Variants in SFXN5 observed in about 807,000 individuals in gnomAD.
The protein encoded by SFXN5 is sideroflexin-5.
SFXN5 carries 43 observed loss-of-function variants against 50.2 expected under a neutral mutation model. That is an observed-to-expected ratio of 0.86 (90% CI 0.67 to 1.11). SFXN5 has a LOEUF of 1.11. SFXN5 is among the 50% of genes least tolerant of loss of function. SFXN5 has a pLI of 0.00. For synonymous variants in SFXN5, 203 were observed against 185.8 expected, an observed-to-expected ratio of 1.09 and a Z score of -0.75; for missense variants, 463 against 454.1, an observed-to-expected ratio of 1.02 and a Z score of -0.18.
At chr2:73,039,079 C>T (rs1350050028) in intron 3 of SFXN5, among the ~76,000 whole-genome samples, 1 of 152,166 alleles carries the variant, frequency 6.6e-6, no homozygotes, top group Non-Finnish European at 1.5e-5. Flanking sequence ...AAACATGTAC[C>T]ACTATGCCCG....
intron 10 of SFXN5, among the ~76,000 whole-genome samples, chr2:72,971,977 G>A (rs568808689): frequency 2.0e-5 from 3 of 152,370 alleles, no homozygotes; most frequent in African/African-American, 7.2e-5. Context: ...CTCTCCTCCA[G>A]GGCAAGCCCA....
At position 72,944,715 on chromosome 2, in the gene SFXN5, AC is replaced by A; in HGVS notation, c.*306del. The stretch of plus-strand genomic sequence containing the variant: ...CAAAGTATAAAAGGATTCTACTTCT[AC>A]CCCATGGGCACTCTACAATTTTTCA... On this transcript the variant is annotated 3_prime_UTR_variant, in exon 14 of 14. Coordinates refer to ENST00000272433, the MANE Select transcript of SFXN5 (RefSeq NM_144579.3). 1 of 325,086 alleles carries A rather than the reference AC, an allele frequency of 3.1e-6. No individual in the cohort carries two copies. The highest frequency in any genetic ancestry group is 5.6e-6 in the Non-Finnish European group (1 of 178,092). The allele number at this position is 325,086 out of a possible 1,614,324, so 20.1% of individuals were successfully genotyped here. A position where few individuals can be genotyped will look rare whatever the true frequency, so the allele number is the denominator to read the frequency against.
intron 6 of SFXN5, among the ~76,000 whole-genome samples, chr2:73,006,400 T>C (rs180682245): frequency 1.3e-5 from 2 of 152,260 alleles, no homozygotes; most frequent in African/African-American, 2.4e-5. Flanking sequence ...GGCAGGCGGA[T>C]CACCTGAGGT....
intron 8 of SFXN5, among the ~76,000 whole-genome samples, chr2:72,999,344 G>C (rs1199444613): frequency 6.6e-6 from 1 of 152,058 alleles, no homozygotes; most frequent in Non-Finnish European, 1.5e-5. Context: ...GCAGTCTTCA[G>C]TTTAGAGGCT....
intron 3 of SFXN5, among the ~76,000 whole-genome samples, chr2:73,024,034 C>G (rs930569478): frequency 2.0e-5 from 3 of 152,062 alleles, no homozygotes; most frequent in Non-Finnish European, 4.4e-5. Flanking sequence ...ATACCAAGAC[C>G]CCCATCAATT....
chr2:73,013,526 G>T (rs572878926), intron 6 of SFXN5, among the ~76,000 whole-genome samples: 10 of 150,896 alleles, frequency 6.6e-5, no homozygotes, highest in African/African-American at 2.4e-4. Context: ...TAAGACAACC[G>T]CAAGAAATGC....
chr2:73,037,311 G>A (rs534157677), intron 3 of SFXN5, among the ~76,000 whole-genome samples: 1 of 152,248 alleles, frequency 6.6e-6, no homozygotes, highest in African/African-American at 2.4e-5. Context: ...GTTTCTGGTG[G>A]TGTAGACAGG....
chr2:72,968,515 G>A lies in SFXN5; in HGVS notation c.760C>T (p.Leu254=). Residue 254 remains leucine, a synonymous_variant, in exon 12 of 14, where the codon CTG becomes TTG. Coordinates refer to ENST00000272433, the MANE Select transcript of SFXN5 (RefSeq NM_144579.3). Reference sequence around the variant, plus strand: ...GGCATGGGCAGGACCACTCGCGTCAGCGCCGTCTCCAGCAGGGCCTGAGGG... The same window carrying A: ...GGCATGGGCAGGACCACTCGCGTCAACGCCGTCTCCAGCAGGGCCTGAGGG... ...AARHALLETA[L]TRVVLPMPIL... is the part of the protein sequence containing the mutation. 1 of 1,613,422 alleles carries A rather than the reference G, an allele frequency of 6.2e-7. No homozygotes were observed. The highest frequency in any genetic ancestry group is 1.7e-5 in the Admixed American group (1 of 60,026).
chr2:72,968,647 T>C, intron 11 of SFXN5, 114 bp from the exon 12 acceptor site: 1 of 886,108 alleles, frequency 1.1e-6, no homozygotes, highest in Non-Finnish European at 1.7e-6. Flanking sequence ...TGAATGGCCT[T>C]ATTCATGGGA....
chr2:73,031,529 T>G (rs766550960), intron 3 of SFXN5, among the ~76,000 whole-genome samples: 1 of 152,234 alleles, frequency 6.6e-6, no homozygotes. Flanking sequence ...CTAGTACCAC[T>G]TTAACTAATA....
Position 72,944,258 on chromosome 2 carries a change from A to T in SFXN5, c.*764T>A, listed in dbSNP as rs1432496796. On this transcript the variant is annotated 3_prime_UTR_variant, in exon 14 of 14. Coordinates refer to ENST00000272433, the MANE Select transcript of SFXN5 (RefSeq NM_144579.3). ...GGGTTTCCTGCCTGGAGCTGGGGTC[A>T]CTTCAGGGGCCCTGAATCAGTTAGA... The T allele has an allele frequency of 1.3e-5, 2 of 152,222 alleles. No individual in the cohort carries two copies. The highest frequency in any genetic ancestry group is 3.9e-4 in the East Asian group (2 of 5,194). 9.4% of individuals were successfully genotyped at this position (152,222 alleles called of 1,614,324 possible).
chr2:72,981,965 T>TTGTGTGTGTGTGTGTG (rs10582006), intron 10 of SFXN5, among the ~76,000 whole-genome samples: 1 of 145,610 alleles, frequency 6.9e-6, no homozygotes, highest in African/African-American at 2.5e-5. Flanking sequence ...CACTGGAACT[T>TTGTGTGTGTGTGTGTG]TGTGTGTGTG....
Position 72,999,034 on chromosome 2 carries a change from T to C in SFXN5, c.469-20A>G. 1 of 1,613,722 alleles carries C rather than the reference T, an allele frequency of 6.2e-7. No homozygotes were observed. The highest frequency in any genetic ancestry group is 8.5e-7 in the Non-Finnish European group (1 of 1,179,810). ...TGAAGGCTGGAAAACAGAGGCAGAA[T>C]TTCAGGCCTGCTGGGTGCCCAAAGC... is the stretch of plus-strand genomic sequence containing the variant. On this transcript the variant is annotated intron_variant, in intron 8 of 13. Coordinates refer to ENST00000272433, the MANE Select transcript of SFXN5 (RefSeq NM_144579.3).
At chr2:72,957,012 GC>G (rs1673169134) in intron 13 of SFXN5, 2 of 456,550 alleles carry the variant, frequency 4.4e-6, no homozygotes, top group Non-Finnish European at 8.8e-6. Flanking sequence ...TCTTTGAATC[GC>G]CCAAGTCCTC....
intron 3 of SFXN5, among the ~76,000 whole-genome samples, chr2:73,039,716 C>T (rs550363941): frequency 5.3e-5 from 8 of 152,208 alleles, no homozygotes; most frequent in East Asian, 1.9e-4. Flanking sequence ...GTTGCTCCTG[C>T]GGAACAGGCA....
At chr2:72,971,277 G>A (rs1675137386) in intron 11 of SFXN5, among the ~76,000 whole-genome samples, 1 of 152,106 alleles carries the variant, frequency 6.6e-6, no homozygotes. Flanking sequence ...AGTCTCCTCT[G>A]CCCTCACCAA....
chr2:72,976,078 G>A (rs1670585546), intron 10 of SFXN5, among the ~76,000 whole-genome samples: 1 of 152,192 alleles, frequency 6.6e-6, no homozygotes, highest in Non-Finnish European at 1.5e-5. Flanking sequence ...TTTACTGTAT[G>A]TAAAACCCTG....
chr2:73,000,368 G>A lies in SFXN5; in HGVS notation c.468+63C>T, dbSNP rs933651182. ...ACTGATGGTGGCATGTCACGCTGTA[G>A]GGAGGATGACTGGGCCTCCCTAGCC... is the stretch of plus-strand genomic sequence containing the variant. On this transcript the variant is annotated intron_variant, in intron 8 of 13. Coordinates refer to ENST00000272433, the MANE Select transcript of SFXN5 (RefSeq NM_144579.3). 4.7e-6 allele frequency: 7 copies of A among 1,479,684 alleles called. No homozygotes were observed. The African/African-American group carries it at 8.4e-5, about 18-fold the overall frequency. 91.7% of individuals were successfully genotyped at this position (1,479,684 alleles called of 1,614,324 possible). A position where few individuals can be genotyped will look rare whatever the true frequency, so the allele number is the denominator to read the frequency against.
At chr2:73,042,951 C>T (rs1679840296) in intron 2 of SFXN5, among the ~76,000 whole-genome samples, 2 of 152,052 alleles carry the variant, frequency 1.3e-5, no homozygotes, top group African/African-American at 4.8e-5. Flanking sequence ...GCCTGTAGTC[C>T]CAGCTACTCA....
Sources: allele counts gnomAD v4.1 joint callset (sites outside exome capture counted in the v4.1 genomes callset), GRCh38; gene constraint gnomAD v4.1.1; transcripts MANE v1.5; gene names NCBI Gene and HGNC (gene_info 2026-07-23, HGNC 2026-07-21).